Variants in FAM117B observed in about 807,000 individuals in gnomAD.
FAM117B encodes family with sequence similarity 117 member B, also known as protein FAM117B.
Under a neutral mutation model 52.8 loss-of-function variants are expected in FAM117B, and 22 were observed. The observed-to-expected ratio is 0.42, with a 90% confidence interval of 0.30 to 0.59. FAM117B has a LOEUF of 0.59. FAM117B is among the 20% of genes least tolerant of loss of function. FAM117B has a pLI of 0.22. For missense variants in FAM117B, 678 were observed against 802.6 expected (o/e 0.84, Z 1.88); for synonymous variants, 309 against 324.1 (o/e 0.95, Z 0.50).
chr2:202,745,846 AAAG>A (rs1376488444), intron 4 of FAM117B, among the ~76,000 whole-genome samples: 7 of 152,204 alleles, frequency 4.6e-5, no homozygotes, highest in East Asian at 1.9e-4. Context: ...CCAAAAAGAC[AAAG>A]AAGGTTATTA....
intron 2 of FAM117B, among the ~76,000 whole-genome samples, chr2:202,724,269 T>C (rs1288231796): frequency 6.6e-6 from 1 of 152,158 alleles, no homozygotes; most frequent in African/African-American, 2.4e-5. Flanking sequence ...GTTCTCGAAC[T>C]CCTGACCTCG....
chr2:202,687,855 T>A (rs1690568675), intron 1 of FAM117B, among the ~76,000 whole-genome samples: 1 of 152,222 alleles, frequency 6.6e-6, no homozygotes. Flanking sequence ...TCATTTTCTT[T>A]CTAGGATAAA....
At chr2:202,725,183 G>T in intron 3 of FAM117B, 174 bp downstream of exon 3, 1 of 439,410 alleles carries the variant, frequency 2.3e-6, no homozygotes, top group East Asian at 3.6e-5. Context: ...TTTCAATAGG[G>T]ATATTTATAT....
intron 2 of FAM117B, among the ~76,000 whole-genome samples, chr2:202,713,109 GTTC>G (rs1430447813): frequency 6.6e-6 from 1 of 152,158 alleles, no homozygotes; most frequent in African/African-American, 2.4e-5. Flanking sequence ...ATTGGTGTTA[GTTC>G]TTCTTTAAAT....
intron 2 of FAM117B, 61 bp downstream of exon 2, chr2:202,696,093 T>C (rs2105776763): frequency 6.4e-7 from 1 of 1,551,170 alleles, no homozygotes; most frequent in East Asian, 2.3e-5. Context: ...CTTCTAATAT[T>C]ATTTGTTCTG....
chr2:202,724,603 G>A (rs1691208341), intron 2 of FAM117B, among the ~76,000 whole-genome samples: 1 of 152,112 alleles, frequency 6.6e-6, no homozygotes, highest in Admixed American at 6.6e-5. Context: ...GCTATTATAT[G>A]TTAGTTAACT....
intron 6 of FAM117B, 119 bp from the exon 7 acceptor site, chr2:202,759,114 C>T: frequency 9.8e-7 from 1 of 1,022,590 alleles, no homozygotes; most frequent in East Asian, 2.5e-5. Flanking sequence ...TTAATTATCT[C>T]CTTGATTAAT....
intron 2 of FAM117B, among the ~76,000 whole-genome samples, chr2:202,698,262 T>C (rs1690744261): frequency 6.6e-6 from 1 of 152,228 alleles, no homozygotes. Flanking sequence ...CTTAGTGGGC[T>C]CAGTTTATTT....
rs1412995546 is a variant in FAM117B, at chr2:202,732,052, T to C, written c.960+5689T>C. 7.3e-5 allele frequency among the ~76,000 whole-genome samples: 11 copies of C among 151,432 alleles called. No individual in the cohort carries two copies. The South Asian group carries it at 1.9e-3, about 26-fold the overall frequency. On this transcript the variant is annotated intron_variant, in intron 4 of 7. Coordinates refer to ENST00000392238, the MANE Select transcript of FAM117B (RefSeq NM_173511.4). ...ACCCAGCCTATTTATTTTTCTTTTT[T>C]TTTTTTTTTTGTATTTATAGTAGAG...
chr2:202,672,211 CT>C (rs1690309254), intron 1 of FAM117B, among the ~76,000 whole-genome samples: 1 of 152,246 alleles, frequency 6.6e-6, no homozygotes, highest in Admixed American at 6.5e-5. Context: ...CACCACCTGC[CT>C]CCCCCTCCTT....
chr2:202,639,213 C>T (rs1689730599), intron 1 of FAM117B, among the ~76,000 whole-genome samples: 1 of 152,176 alleles, frequency 6.6e-6, no homozygotes, highest in Non-Finnish European at 1.5e-5. Flanking sequence ...GGTGTCTTAT[C>T]AGATGAACTG....
intron 4 of FAM117B, among the ~76,000 whole-genome samples, chr2:202,735,577 A>G (rs1248479642): frequency 6.6e-6 from 1 of 152,186 alleles, no homozygotes; most frequent in Non-Finnish European, 1.5e-5. Context: ...AGTCTTTCAC[A>G]TTTCAAAGGT....
intron 2 of FAM117B, among the ~76,000 whole-genome samples, chr2:202,705,028 C>G (rs896334690): frequency 5.9e-5 from 9 of 151,404 alleles, no homozygotes; most frequent in African/African-American, 2.2e-4. Context: ...TTAAGAGGGC[C>G]GGGCGCAGTG....
chr2:202,765,394 AT>A lies in FAM117B; in HGVS notation c.1452-46del, dbSNP rs920016679. ...TGTTTCCAAGCTTTTTTTTTTTTTT[AT>A]TTTTTAAGTTCAGTGACTTAAAAGC... On this transcript the variant is annotated intron_variant, in intron 7 of 7. Coordinates refer to ENST00000392238, the MANE Select transcript of FAM117B (RefSeq NM_173511.4). 1.7e-5 allele frequency: 21 copies of A among 1,223,646 alleles called. No individual in the cohort carries two copies. In the African/African-American group the frequency reaches 3.5e-4, roughly 21 times the overall value. 75.8% of individuals were successfully genotyped at this position (1,223,646 alleles called of 1,614,324 possible). A position where few individuals can be genotyped will look rare whatever the true frequency, so the allele number is the denominator to read the frequency against.
chr2:202,761,909 C>T (rs980302157), intron 7 of FAM117B, among the ~76,000 whole-genome samples: 10 of 151,274 alleles, frequency 6.6e-5, no homozygotes. Flanking sequence ...GTTTATTATA[C>T]GTTTTACTGG....
intron 4 of FAM117B, among the ~76,000 whole-genome samples, chr2:202,741,367 C>CG: frequency 8.3e-6 from 1 of 120,554 alleles, no homozygotes; most frequent in East Asian, 2.7e-4. Flanking sequence ...TGCAGTGAGC[C>CG]AGATCATGCC....
At chr2:202,690,653 T>C (rs1690606816) in intron 1 of FAM117B, among the ~76,000 whole-genome samples, 2 of 152,176 alleles carry the variant, frequency 1.3e-5, no homozygotes, top group Admixed American at 6.5e-5. Context: ...CCTAGAGGCA[T>C]GTAAGGGCAC....
chr2:202,766,061 AACAC>A lies in FAM117B; in HGVS notation c.*340_*343del, dbSNP rs34556556. 0.068 allele frequency: 13,871 copies of A among 202,670 alleles called. 631 individuals are homozygous for A. The highest frequency in any genetic ancestry group is 0.13 in the African/African-American group (5,352 of 39,770). The allele number at this position is 202,670 out of a possible 1,614,324, so 12.6% of individuals were successfully genotyped here. On this transcript the variant is annotated 3_prime_UTR_variant, in exon 8 of 8. Coordinates refer to ENST00000392238, the MANE Select transcript of FAM117B (RefSeq NM_173511.4). ...TTGTTTTCGAATTAGACTTCTTTAAAACACACACACACACACACACACACACACA... is the reference window on the plus strand; with the variant it reads ...TTGTTTTCGAATTAGACTTCTTTAAAACACACACACACACACACACACACA...
At position 202,695,908 on chromosome 2, in the gene FAM117B, G is replaced by A. The variant is rs1172976275; in HGVS notation, c.629G>A (p.Ser210Asn). 6.2e-7 allele frequency: 1 copy of A among 1,609,744 alleles called. No individual in the cohort carries two copies. Among genetic ancestry groups the A allele is most frequent in the Non-Finnish European group, 8.5e-7 (1 of 1,177,808 alleles). Residue 210 changes from serine (S) to asparagine (N), a missense_variant, in exon 2 of 8, where the codon AGC becomes AAC. Ser to Asn is a conservative substitution (Grantham distance 46, BLOSUM62 1). This residue lies in a region of FAM117B where 583 missense variants were observed against 644.8 expected (regional missense o/e 0.90). Coordinates refer to ENST00000392238, the MANE Select transcript of FAM117B (RefSeq NM_173511.4). Reference sequence around the variant, plus strand: ...GACAAAACACGACAGCCTTCTTCAAGCCCCTCCAGTATTATCCGACGCACT... The same window carrying A: ...GACAAAACACGACAGCCTTCTTCAAACCCCTCCAGTATTATCCGACGCACT... ...AGDKTRQPSS[S>N]PSSIIRRTSS...
Sources: allele counts gnomAD v4.1 joint callset (sites outside exome capture counted in the v4.1 genomes callset), GRCh38; gene constraint gnomAD v4.1.1; regional missense constraint gnomAD v4.1.1; transcripts MANE v1.5; gene names NCBI Gene and HGNC (gene_info 2026-07-23, HGNC 2026-07-21).